Variants in ARSB observed in about 807,000 individuals in gnomAD.
ARSB encodes the protein arylsulfatase B.
Under a neutral mutation model 50.9 loss-of-function variants are expected in ARSB, and 41 were observed. The observed-to-expected ratio is 0.81, with a 90% confidence interval of 0.63 to 1.04. The LOEUF is 1.04. Ranked by LOEUF, ARSB falls within the 50% of genes least tolerant of loss-of-function variation. The pLI is 0.00. For synonymous variants in ARSB, 269 were observed against 284.8 expected (o/e 0.94, Z 0.56); for missense variants, 672 against 693.3 (o/e 0.97, Z 0.35).
At chr5:78,967,003 C>T (rs1039521906) in intron 2 of ARSB, among the ~76,000 whole-genome samples, 5 of 151,788 alleles carry the variant, frequency 3.3e-5, no homozygotes, top group African/African-American at 9.7e-5. Context: ...GCACACACAC[C>T]CTCCTGTCTG....
chr5:78,854,206 C>G (rs940395385), intron 5 of ARSB, among the ~76,000 whole-genome samples: 1 of 152,030 alleles, frequency 6.6e-6, no homozygotes, highest in South Asian at 2.1e-4. Flanking sequence ...ATCTTGGCTG[C>G]CAGATCTCCG....
chr5:78,807,722 G>A (rs1016246638), intron 6 of ARSB, among the ~76,000 whole-genome samples: 1 of 152,158 alleles, frequency 6.6e-6, no homozygotes, highest in Admixed American at 6.5e-5. Flanking sequence ...CCAGGGGTGA[G>A]GAAAAGGGAC....
chr5:78,790,421 A>G (rs554678368), intron 6 of ARSB, among the ~76,000 whole-genome samples: 1 of 152,244 alleles, frequency 6.6e-6, no homozygotes, highest in South Asian at 2.1e-4. Flanking sequence ...AGTTATTACC[A>G]CCCGTGCAAT....
Position 78,779,593 on chromosome 5 carries a change from G to A in ARSB, c.*804C>T, listed in dbSNP as rs899235523. ...GGGGAGGCCTCTAGCTTCAGCCCTA[G>A]GGGCAAAAGTAAGGCAGGGCTCAGC... On this transcript the variant is annotated 3_prime_UTR_variant, in exon 8 of 8. Coordinates refer to ENST00000264914, the MANE Select transcript of ARSB (RefSeq NM_000046.5). The A allele has an allele frequency of 8.5e-5, 13 of 152,316 alleles. No homozygotes were observed. The highest frequency in any genetic ancestry group is 3.1e-4 in the African/African-American group (13 of 41,414). 9.4% of individuals were successfully genotyped at this position (152,316 alleles called of 1,614,324 possible).
At chr5:78,866,075 G>T (rs1697336576) in intron 5 of ARSB, among the ~76,000 whole-genome samples, 1 of 152,188 alleles carries the variant, frequency 6.6e-6, no homozygotes, top group South Asian at 2.1e-4. Flanking sequence ...ACATTTTCAG[G>T]TATCTTTTCA....
At chr5:78,897,098 G>A (rs1227508269) in intron 4 of ARSB, among the ~76,000 whole-genome samples, 1 of 151,990 alleles carries the variant, frequency 6.6e-6, no homozygotes, top group African/African-American at 2.4e-5. Flanking sequence ...ATAAAGATTA[G>A]AATATTAATT....
intron 6 of ARSB, among the ~76,000 whole-genome samples, chr5:78,822,562 T>C (rs572255191): frequency 6.6e-6 from 1 of 152,212 alleles, no homozygotes; most frequent in Non-Finnish European, 1.5e-5. Flanking sequence ...TACTAAAAAT[T>C]ATACATAATC....
In ARSB at chr5:78,778,650, C is replaced by A. The variant is rs1237968771; in HGVS notation, c.*1747G>T. ...CAGCTGGAAGACATTTATATTACCT[C>A]TGTATTCAGCTCATTGGACTAGCAT... On this transcript the variant is annotated 3_prime_UTR_variant, in exon 8 of 8. Coordinates refer to ENST00000264914, the MANE Select transcript of ARSB (RefSeq NM_000046.5). 2.6e-5 allele frequency: 4 copies of A among 152,206 alleles called. No individual in the cohort carries two copies. The highest frequency in any genetic ancestry group is 4.4e-5 in the Non-Finnish European group (3 of 68,044). The allele number at this position is 152,206 out of a possible 1,614,324, so 9.4% of individuals were successfully genotyped here.
intron 1 of ARSB, among the ~76,000 whole-genome samples, chr5:78,975,424 A>G (rs1752623516): frequency 6.6e-6 from 1 of 152,248 alleles, no homozygotes; most frequent in African/African-American, 2.4e-5. Flanking sequence ...GGGGTGAGTG[A>G]AAAGCCGTGA....
At chr5:78,904,685 C>CTTTTTTTT (rs55920994) in intron 4 of ARSB, among the ~76,000 whole-genome samples, 26 of 98,924 alleles carry the variant, frequency 2.6e-4, no homozygotes, top group South Asian at 6.4e-4. Context: ...TTCTTTCTTT[C>CTTTTTTTT]TTTTTTTTTT....
chr5:78,946,910 G>A (rs181526772), intron 4 of ARSB, among the ~76,000 whole-genome samples: 97 of 152,108 alleles, frequency 6.4e-4, no homozygotes, highest in African/African-American at 2.1e-3. Flanking sequence ...AAAACAGCAC[G>A]GTACTAGCAT....
chr5:78,885,732 C>T lies in ARSB; in HGVS notation c.994G>A (p.Val332Met). ...TTCTGCTTCAGCAAGGGGCTTGCCA[C>T]AAAGCCCACCCCTCGGACGCCTCCT... Reference protein sequence around the residue: ...WEGGVRGVGFVASPLLKQKGV... With the variant: ...WEGGVRGVGFMASPLLKQKGV... Residue 332 changes from valine (V) to methionine (M), a missense_variant, in exon 5 of 8, where the codon GTG (valine) becomes ATG (methionine). Val to Met is a conservative substitution (Grantham distance 21). Transcript: ENST00000264914. 6.2e-7 allele frequency: 1 copy of T among 1,614,130 alleles called. No homozygotes were observed. Among genetic ancestry groups the T allele is most frequent in the Non-Finnish European group, 8.5e-7 (1 of 1,180,040 alleles).
At chr5:78,844,558 A>G (rs1745362916) in intron 5 of ARSB, among the ~76,000 whole-genome samples, 1 of 152,106 alleles carries the variant, frequency 6.6e-6, no homozygotes, top group Non-Finnish European at 1.5e-5. Flanking sequence ...AGTTCGACTT[A>G]TGTATTTTCT....
intron 4 of ARSB, among the ~76,000 whole-genome samples, chr5:78,912,799 A>G (rs1749366902): frequency 6.6e-6 from 1 of 152,220 alleles, no homozygotes; most frequent in South Asian, 2.1e-4. Context: ...TCCTCTTGGG[A>G]TCAATTCACA....
chr5:78,920,161 G>T (rs768100412), intron 4 of ARSB, among the ~76,000 whole-genome samples: 2 of 152,232 alleles, frequency 1.3e-5, no homozygotes, highest in South Asian at 2.1e-4. Context: ...TCTGAGAAAA[G>T]AAATTGGGTG....
rs890504345 is a variant in ARSB at position 78,911,094 on chromosome 5, A to T, written c.899-25267T>A. Reference sequence around the variant, plus strand: ...AAAAATAAGCAAAAAACGAAGGGGTATTGAATCAGTGCAGAATAGTCAGAA... The same window carrying T: ...AAAAATAAGCAAAAAACGAAGGGGTTTTGAATCAGTGCAGAATAGTCAGAA... On this transcript the variant is annotated intron_variant, in intron 4 of 7. Coordinates refer to ENST00000264914, the MANE Select transcript of ARSB (RefSeq NM_000046.5). 2.6e-5 allele frequency among the ~76,000 whole-genome samples: 4 copies of T among 152,242 alleles called. No individual in the cohort carries two copies. The East Asian group carries it at 5.8e-4, about 22-fold the overall frequency.
intron 6 of ARSB, among the ~76,000 whole-genome samples, chr5:78,787,272 C>A (rs1467175912): frequency 4.6e-5 from 7 of 152,122 alleles, no homozygotes; most frequent in Non-Finnish European, 7.4e-5. Flanking sequence ...TATGCCAGTA[C>A]CACACTACCA....
At chr5:78,816,116 T>C (rs761065051) in intron 6 of ARSB, 2 of 1,614,174 alleles carry the variant, frequency 1.2e-6, no homozygotes, top group Non-Finnish European at 8.5e-7. Context: ...CAGGCCAGTC[T>C]GTAAAACACA....
intron 1 of ARSB, among the ~76,000 whole-genome samples, chr5:78,972,663 G>A (rs1161569235): frequency 6.6e-6 from 1 of 152,080 alleles, no homozygotes; most frequent in South Asian, 2.1e-4. Context: ...GGCAGGATAA[G>A]TAAAGATAAT....
Sources: allele counts gnomAD v4.1 joint callset (sites outside exome capture counted in the v4.1 genomes callset), GRCh38; gene constraint gnomAD v4.1.1; transcripts MANE v1.5; gene names NCBI Gene and HGNC (gene_info 2026-07-23, HGNC 2026-07-21).